Variants in FLYWCH1 observed in about 807,000 individuals in gnomAD.
FLYWCH1 encodes the protein FLYWCH-type zinc finger 1.
FLYWCH1 carries 75 observed loss-of-function variants against 66.4 expected under a neutral mutation model. The observed-to-expected ratio is 1.13, with a 90% CI of 0.94 to 1.37. FLYWCH1 has a LOEUF of 1.37. FLYWCH1 is among the 40% of genes most tolerant of loss of function. The pLI is 0.00. For missense variants in FLYWCH1, 1,334 were observed against 1,001.8 expected (o/e 1.33, Z -4.48); for synonymous variants, 595 against 429.9 (o/e 1.38, Z -4.75).
At chr16:2,940,384 G>A (rs1168169410) in intron 9 of FLYWCH1, among the ~76,000 whole-genome samples, 1 of 152,198 alleles carries the variant, frequency 6.6e-6, no homozygotes, top group Non-Finnish European at 1.5e-5. Flanking sequence ...GAGGGAAGCT[G>A]CCAGCAGCAG....
At chr16:2,933,075 C>T (rs1024578452) in intron 4 of FLYWCH1, 55 bp from the exon 5 acceptor site, 2 of 1,486,852 alleles carry the variant, frequency 1.3e-6, no homozygotes, top group East Asian at 2.3e-5. Context: ...AGGGGCTGTC[C>T]CTCCTGGGCT....
intron 8 of FLYWCH1, among the ~76,000 whole-genome samples, chr16:2,938,982 A>C (rs933026474): frequency 9.3e-5 from 14 of 151,322 alleles, no homozygotes; most frequent in African/African-American, 3.2e-4. Context: ...ATCTTGGCTC[A>C]CTGCAACCTC....
intron 4 of FLYWCH1, among the ~76,000 whole-genome samples, chr16:2,931,378 C>G (rs1271018229): frequency 1.3e-5 from 2 of 149,998 alleles, no homozygotes; most frequent in Non-Finnish European, 3.0e-5. Flanking sequence ...AATCCTAGCA[C>G]TTTGGGAGGC....
chr16:2,926,447 C>G (rs913983561), intron 2 of FLYWCH1, among the ~76,000 whole-genome samples: 8 of 152,098 alleles, frequency 5.3e-5, no homozygotes, highest in African/African-American at 1.9e-4. Flanking sequence ...GGACAGAATT[C>G]CAGAAAGGAA....
At chr16:2,935,310 TCTC>T (rs1256668515) in intron 6 of FLYWCH1, 1 of 152,338 alleles carries the variant, frequency 6.6e-6, no homozygotes, top group Admixed American at 6.6e-5. Flanking sequence ...AGCTCTGTCT[TCTC>T]TGTGGGGTGG....
In FLYWCH1 at chr16:2,941,621, A is replaced by C. The variant is rs371711627; in HGVS notation, c.2111+1529A>C. On this transcript the variant is annotated intron_variant, in intron 9 of 9. Coordinates refer to ENST00000253928, the MANE Select transcript of FLYWCH1 (RefSeq NM_001308068.2). ...GCCAAGCATGGTGGCTCACACCTGTAATCCTAGCATTTTGGGTGGCTAGGG... is the reference window on the plus strand; with the variant it reads ...GCCAAGCATGGTGGCTCACACCTGTCATCCTAGCATTTTGGGTGGCTAGGG... Among the ~76,000 whole-genome samples the C allele has an allele frequency of 9.9e-5, 15 of 151,884 alleles. No individual in the cohort carries two copies. In the South Asian group the frequency reaches 1.7e-3, roughly 17 times the overall value.
At chr16:2,936,885 G>A (rs113260386) in intron 6 of FLYWCH1, 17 of 647,594 alleles carry the variant, frequency 2.6e-5, no homozygotes, top group Middle Eastern at 2.4e-4. Flanking sequence ...AAGGTGGGAC[G>A]CTTGGCCGCC....
intron 2 of FLYWCH1, among the ~76,000 whole-genome samples, chr16:2,924,174 C>CA (rs2070475140): frequency 6.6e-6 from 1 of 151,840 alleles, no homozygotes. Context: ...ACTAAAAATA[C>CA]AAAAAATTAG....
In FLYWCH1 at chr16:2,938,241, A is replaced by T; in HGVS notation, c.1835A>T (p.His612Leu). 5 of 1,613,258 alleles carry T rather than the reference A, an allele frequency of 3.1e-6. No individual in the cohort carries two copies. The highest frequency in any genetic ancestry group is 4.2e-6 in the Non-Finnish European group (5 of 1,179,632). Reference protein sequence around the residue: ...RTSLGGRFLVHESFLYRKEKA... With the variant: ...RTSLGGRFLVLESFLYRKEKA... ...TCCCTGGGGGGCAGGTTCCTGGTGC[A>T]CGAGTCCTTCCTCTACAGGAAGGAG... Residue 612 changes from histidine (H) to leucine (L), a missense_variant, in exon 8 of 10, where the codon CAC (histidine) becomes CTC (leucine). Transcript: ENST00000253928.
intron 9 of FLYWCH1, among the ~76,000 whole-genome samples, chr16:2,945,202 A>C (rs1359946275): frequency 6.6e-6 from 1 of 151,530 alleles, no homozygotes; most frequent in Non-Finnish European, 1.5e-5. Flanking sequence ...AAAATACAAA[A>C]ATTAGCCAGG....
chr16:2,936,457 C>A (rs1323077240), intron 6 of FLYWCH1: 4 of 447,490 alleles, frequency 8.9e-6, no homozygotes, highest in East Asian at 1.4e-4. Context: ...CTCCCGCCCC[C>A]CGCTGGCCTC....
Position 2,933,214 on chromosome 16 carries a change from A to C in FLYWCH1, c.881A>C (p.Lys294Thr). ...VHESFLYKRE[K>T]AVGDKVYWTC... ...GAGTCGTTCCTCTACAAGCGGGAGA[A>C]GGCTGTCGGGGACAAGGTGTATTGG... Residue 294 changes from lysine to threonine, a missense_variant, in exon 5 of 10, where the codon AAG becomes ACG. Transcript: ENST00000253928. 1.2e-6 allele frequency: 2 copies of C among 1,613,600 alleles called. No individual in the cohort carries two copies. The highest frequency in any genetic ancestry group is 1.1e-5 in the South Asian group (1 of 91,064).
chr16:2,945,982 G>A (rs1283016016), intron 9 of FLYWCH1, among the ~76,000 whole-genome samples: 1 of 152,028 alleles, frequency 6.6e-6, no homozygotes, highest in Non-Finnish European at 1.5e-5. Flanking sequence ...GGGCAACAGA[G>A]CGAGACTCCA....
In FLYWCH1 at chr16:2,934,490, C is replaced by T. The variant is rs114962587; in HGVS notation, c.1513+511C>T. Reference sequence around the variant, plus strand: ...TCTCCATCTTTATCCACACGGTCGGCCCCCCGCAGTGCCTGGTGTTTTGAC... The same window carrying T: ...TCTCCATCTTTATCCACACGGTCGGTCCCCCGCAGTGCCTGGTGTTTTGAC... On this transcript the variant is annotated intron_variant, in intron 6 of 9. Transcript: ENST00000253928. The T allele has an allele frequency of 3.6e-3, 1,312 of 369,474 alleles. 14 individuals are homozygous for T. Among genetic ancestry groups the T allele is most frequent in the African/African-American group, 0.024 (1,157 of 47,232 alleles). 22.9% of individuals were successfully genotyped at this position (369,474 alleles called of 1,614,324 possible).
At chr16:2,946,190 T>C (rs1427463286) in intron 9 of FLYWCH1, among the ~76,000 whole-genome samples, 12 of 151,850 alleles carry the variant, frequency 7.9e-5, no homozygotes, top group Non-Finnish European at 1.5e-4. Flanking sequence ...GAGTGTTGAG[T>C]GTTGTATACT....
chr16:2,929,884 T>A lies in FLYWCH1; in HGVS notation c.199T>A (p.Ser67Thr). ...SKPQEVHCVL[S>T]LEMAGPATLA... ...GCCCCAGGAAGTGCACTGCGTCCTG[T>A]CCCTGGAGATGGCTGGCCCCGCCAC... The change falls in exon 3 of 10, where the codon TCC (serine) becomes ACC (threonine). Residue 67 changes from serine (S) to threonine (T), a missense_variant. Ser to Thr is a moderately conservative substitution (Grantham distance 58). Transcript: ENST00000253928. The A allele has an allele frequency of 6.2e-7, 1 of 1,613,822 alleles. No individual in the cohort carries two copies. The highest frequency in any genetic ancestry group is 1.1e-5 in the South Asian group (1 of 91,078).
intron 2 of FLYWCH1, among the ~76,000 whole-genome samples, chr16:2,919,702 C>G (rs1018929719): frequency 6.6e-6 from 1 of 152,134 alleles, no homozygotes; most frequent in Non-Finnish European, 1.5e-5. Context: ...GCTCGAAGTA[C>G]TACTTTTTGT....
chr16:2,938,603 CTTT>C (rs1429520421), intron 8 of FLYWCH1, 147 bp downstream of exon 8: 10 of 376,188 alleles, frequency 2.7e-5, no homozygotes, highest in Admixed American at 1.8e-4. Context: ...TGAAACCAGT[CTTT>C]GTTTTTTTTT....
chr16:2,925,623 A>G lies in FLYWCH1; in HGVS notation c.-73-3990A>G, dbSNP rs545112267. Among the ~76,000 whole-genome samples the G allele has an allele frequency of 2.2e-3, 320 of 146,998 alleles. 3 individuals carry two copies. The highest frequency in any genetic ancestry group is 7.5e-3 in the African/African-American group (306 of 40,912). On this transcript the variant is annotated intron_variant, in intron 2 of 9. Transcript: ENST00000253928. ...TCCGCCCTAACCTTTTCCTGCCTGG[A>G]GCCGCTCTGCTCGAGAGGCGCCTGC...
Sources: gnomAD v4.1 joint callset for allele counts (sites outside exome capture counted in the v4.1 genomes callset) on GRCh38, gnomAD v4.1.1 for gene constraint, MANE v1.5 for transcripts, NCBI Gene and HGNC (gene_info 2026-07-23, HGNC 2026-07-21) for gene names.